The following ZNF462 variants were observed in gnomAD, a reference collection of about 807,000 sequenced individuals.
ZNF462 encodes zinc finger PBX1-interacting protein.
Under a neutral mutation model 201.9 loss-of-function variants are expected in ZNF462, and 10 were observed. The observed-to-expected ratio is 0.05, with a 90% CI of 0.03 to 0.08. The LOEUF (loss-of-function observed/expected upper bound fraction) is 0.08, where lower values mean the gene tolerates loss of function less well. Ranked by LOEUF, ZNF462 falls within the 10% of genes least tolerant of loss-of-function variation. ZNF462 has a pLI of 1.00. For synonymous variants in ZNF462, 1,227 were observed against 1,193.3 expected (o/e 1.03, Z -0.58); for missense variants, 2,523 against 3,168.3 (o/e 0.80, Z 4.89).
intron 10 of ZNF462, among the ~76,000 whole-genome samples, chr9:106,992,738 A>G (rs1326326908): frequency 6.6e-6 from 1 of 152,102 alleles, no homozygotes; most frequent in Non-Finnish European, 1.5e-5. Context: ...GCAGGGATTG[A>G]TTACAAAGGA....
chr9:106,970,906 G>A lies in ZNF462; in HGVS notation c.6428-1099G>A, dbSNP rs1826571028. Among the ~76,000 whole-genome samples the A allele has an allele frequency of 2.0e-5, 3 of 149,324 alleles. No homozygotes were observed. The highest frequency in any genetic ancestry group is 1.3e-4 in the Admixed American group (2 of 14,944). Reference sequence around the variant, plus strand: ...CCCTCCTAGATCAGATTTCTCCACCGCATGCCATTGAAGCTTCTCGGGGTT... The same window carrying A: ...CCCTCCTAGATCAGATTTCTCCACCACATGCCATTGAAGCTTCTCGGGGTT... On this transcript the variant is annotated intron_variant, in intron 7 of 12. Coordinates refer to ENST00000277225, the MANE Select transcript of ZNF462 (RefSeq NM_021224.6). This position sits in a 1 kb window ranked among gnomAD's most constrained non-coding sequence, Gnocchi z 4.2.
chr9:107,001,807 T>C (rs1184571015), intron 10 of ZNF462, among the ~76,000 whole-genome samples: 1 of 152,180 alleles, frequency 6.6e-6, no homozygotes, highest in African/African-American at 2.4e-5. Flanking sequence ...TTGGCATTGT[T>C]GTCTGCGTCT....
Position 106,881,899 on chromosome 9 carries a change from T to C in ZNF462, c.-31+18544T>C, listed in dbSNP as rs528596372. On this transcript the variant is annotated intron_variant, in intron 1 of 12. Coordinates refer to ENST00000277225, the MANE Select transcript of ZNF462 (RefSeq NM_021224.6). ...TAGATTATATATTAAATTCCTTAGATGAAGTTCTGGTTTTTTGTTTTGACT... is the reference window on the plus strand; with the variant it reads ...TAGATTATATATTAAATTCCTTAGACGAAGTTCTGGTTTTTTGTTTTGACT... Among the ~76,000 whole-genome samples the C allele has an allele frequency of 4.6e-5, 7 of 152,306 alleles. 1 individual carries two copies. The highest frequency in any genetic ancestry group is 1.7e-4 in the African/African-American group (7 of 41,576).
In ZNF462 at chr9:106,924,872, C is replaced by G. The variant is rs779628922; in HGVS notation, c.960C>G (p.Phe320Leu). Residue 320 changes from phenylalanine (F) to leucine (L), a missense_variant, in exon 3 of 13, where the codon TTC becomes TTG. Phe to Leu is a conservative substitution (Grantham distance 22). Transcript: ENST00000277225. This position sits in a 1 kb window ranked among gnomAD's most constrained non-coding sequence, Gnocchi z 6.2. ...TACCCAATACTACCGTCTCCAACTT[C>G]AGGGGCTCCATGGGCAACTCCATCA... Reference protein sequence around the residue: ...REIPNTTVSNFRGSMGNSIMR... With the variant: ...REIPNTTVSNLRGSMGNSIMR... The G allele has an allele frequency of 6.8e-6, 11 of 1,614,086 alleles. No individual in the cohort carries two copies. Among genetic ancestry groups the G allele is most frequent in the African/African-American group, 1.3e-5 (1 of 74,930 alleles).
At position 106,984,161 on chromosome 9, in the gene ZNF462, C is replaced by G. The variant is rs1018456444; in HGVS notation, c.6833-25C>G. The G allele has an allele frequency of 5.6e-6, 9 of 1,593,528 alleles. No individual in the cohort carries two copies. The highest frequency in any genetic ancestry group is 7.7e-6 in the Non-Finnish European group (9 of 1,168,484). On this transcript the variant is annotated intron_variant, in intron 9 of 12. Transcript: ENST00000277225. The surrounding 1 kb of genome is among the most constrained non-coding windows in gnomAD (Gnocchi z 6.4). ...TTTTGCCATCAGTAAAAATTCCCAT[C>G]TTTCCATTCAATTTGTTTCCACAGA...
intron 1 of ZNF462, among the ~76,000 whole-genome samples, chr9:106,894,859 T>C (rs1443645799): frequency 2.0e-5 from 3 of 152,226 alleles, no homozygotes; most frequent in Non-Finnish European, 4.4e-5. Flanking sequence ...TTTCTATTGA[T>C]AAATATAAAA....
rs1338231092 is a variant in ZNF462, at chr9:106,895,322, A to G, written c.-30-28032A>G. Among the ~76,000 whole-genome samples, 2 of 152,204 alleles carry G rather than the reference A, an allele frequency of 1.3e-5. No homozygotes were observed. Among genetic ancestry groups the G allele is most frequent in the East Asian group, 1.9e-4 (1 of 5,188 alleles). On this transcript the variant is annotated intron_variant, in intron 1 of 12. Transcript: ENST00000277225. The surrounding 1 kb of genome is among the most constrained non-coding windows in gnomAD (Gnocchi z 4.4). Reference sequence around the variant, plus strand: ...GGTTATTAGACAGAGTGCACCAAGCATTAGCTTCTGCCCGTGCTCCCTTCT... The same window carrying G: ...GGTTATTAGACAGAGTGCACCAAGCGTTAGCTTCTGCCCGTGCTCCCTTCT...
At position 106,906,715 on chromosome 9, in the gene ZNF462, A is replaced by G. The variant is rs552115017; in HGVS notation, c.-30-16639A>G. On this transcript the variant is annotated intron_variant, in intron 1 of 12. Coordinates refer to ENST00000277225, the MANE Select transcript of ZNF462 (RefSeq NM_021224.6). ...CTTTATCAGTCACCCCAGTTGTTTT[A>G]CATTTGATGATTATTTTTAAATGTT... Among the ~76,000 whole-genome samples the G allele has an allele frequency of 1.3e-4, 20 of 152,370 alleles. No individual in the cohort carries two copies. The East Asian group carries it at 3.9e-3, about 29-fold the overall frequency.
chr9:106,949,992 C>A (rs1173795014), intron 7 of ZNF462, among the ~76,000 whole-genome samples: 1 of 152,102 alleles, frequency 6.6e-6, no homozygotes. Flanking sequence ...CCCCATCCAA[C>A]CTAGACCTGA....
rs1207669036 is a variant in ZNF462, at chr9:107,003,280, T to C, written c.7057-14T>C. 6.2e-7 allele frequency: 1 copy of C among 1,613,148 alleles called. No individual in the cohort carries two copies. The highest frequency in any genetic ancestry group is 8.5e-7 in the Non-Finnish European group (1 of 1,179,576). On this transcript the variant is annotated splice_polypyrimidine_tract_variant and intron_variant, in intron 10 of 12. Transcript: ENST00000277225. This position sits in a 1 kb window ranked among gnomAD's most constrained non-coding sequence, Gnocchi z 4.4. ...GCGGTTTATTATTCCATCATTTGTT[T>C]GGGCCTTTTTCAGGTAAGCCGTAAC...
intron 7 of ZNF462, among the ~76,000 whole-genome samples, chr9:106,958,388 T>G (rs1268867918): frequency 6.6e-6 from 1 of 152,114 alleles, no homozygotes; most frequent in Non-Finnish European, 1.5e-5. Context: ...ACTGGGATCA[T>G]TCCTCACCAC....
At chr9:106,973,062 T>C (rs1418548021) in intron 8 of ZNF462, among the ~76,000 whole-genome samples, 3 of 152,150 alleles carry the variant, frequency 2.0e-5, no homozygotes, top group Admixed American at 1.3e-4. Flanking sequence ...ACCTACATCA[T>C]AGGGCTCTTG....
At position 106,972,208 on chromosome 9, in the gene ZNF462, C is replaced by T. The variant is rs748291236; in HGVS notation, c.6631C>T (p.Arg2211Trp). 5 of 1,614,080 alleles carry T rather than the reference C, an allele frequency of 3.1e-6. No homozygotes were observed. The highest frequency in any genetic ancestry group is 1.3e-5 in the African/African-American group (1 of 74,932). Residue 2211 changes from arginine (R) to tryptophan (W), a missense_variant, in exon 8 of 13, where the codon CGG becomes TGG. This residue lies in a region of ZNF462 where 228 missense variants were observed against 361.2 expected (regional missense o/e 0.63). Transcript: ENST00000277225. This position sits in a 1 kb window ranked among gnomAD's most constrained non-coding sequence, Gnocchi z 4.8. ...CATCCAGAGCATCAGGCGTCATTAC[C>T]GGGACAAGCATGGTGGGAAGAAGCT... ...GYIQSIRRHY[R>W]DKHGGKKLFK...
chr9:106,949,932 CCAG>C (rs765073529), intron 7 of ZNF462, among the ~76,000 whole-genome samples: 10 of 152,208 alleles, frequency 6.6e-5, no homozygotes, highest in Non-Finnish European at 2.9e-5. Context: ...AGCTCCGTCT[CCAG>C]CACCTCAAAT....
In ZNF462 at chr9:106,984,120, A is replaced by G. The variant is rs1036254097; in HGVS notation, c.6833-66A>G. ...TTGGGTGAGTTTCTTCTTGTATTCC[A>G]AAGAAAGAACTTCTGTTTTGCCATC... On this transcript the variant is annotated intron_variant, in intron 9 of 12. Coordinates refer to ENST00000277225, the MANE Select transcript of ZNF462 (RefSeq NM_021224.6). This position sits in a 1 kb window ranked among gnomAD's most constrained non-coding sequence, Gnocchi z 6.4. 2.7e-6 allele frequency: 4 copies of G among 1,475,412 alleles called. No homozygotes were observed. The South Asian group carries it at 5.1e-5, about 19-fold the overall frequency. The allele number at this position is 1,475,412 out of a possible 1,614,324, so 91.4% of individuals were successfully genotyped here.
At position 106,872,024 on chromosome 9, in the gene ZNF462, A is replaced by G. The variant is rs370825779; in HGVS notation, c.-31+8669A>G. Among the ~76,000 whole-genome samples, 7 of 152,192 alleles carry G rather than the reference A, an allele frequency of 4.6e-5. No homozygotes were observed. Among genetic ancestry groups the G allele is most frequent in the African/African-American group, 1.7e-4 (7 of 41,428 alleles). The stretch of plus-strand genomic sequence containing the variant: ...CAGGCTGGTCTGTCCTTCCAGTCCC[A>G]GCATTTTAAAATCCAAAATAAGGCC... On this transcript the variant is annotated intron_variant, in intron 1 of 12. Transcript: ENST00000277225. The surrounding 1 kb of genome is among the most constrained non-coding windows in gnomAD (Gnocchi z 4.5).
Position 106,863,300 on chromosome 9 carries a change from G to C in ZNF462, c.-86G>C. Reference sequence around the variant, plus strand: ...AAGAGGAGAAAGAGAAAGAGGATAAGGAGGCGGTGGGGCTGGAGAACCCGA... The same window carrying C: ...AAGAGGAGAAAGAGAAAGAGGATAACGAGGCGGTGGGGCTGGAGAACCCGA... On this transcript the variant is annotated 5_prime_UTR_variant, in exon 1 of 13. Coordinates refer to ENST00000277225, the MANE Select transcript of ZNF462 (RefSeq NM_021224.6). The C allele has an allele frequency of 2.5e-6, 1 of 398,880 alleles. No homozygotes were observed. The highest frequency in any genetic ancestry group is 2.1e-5 in the African/African-American group (1 of 48,708). The allele number at this position is 398,880 out of a possible 1,614,324, so 24.7% of individuals were successfully genotyped here. A position where few individuals can be genotyped will look rare whatever the true frequency, so the allele number is the denominator to read the frequency against.
intron 7 of ZNF462, among the ~76,000 whole-genome samples, chr9:106,965,130 G>C (rs1342754824): frequency 6.6e-6 from 1 of 152,072 alleles, no homozygotes; most frequent in Non-Finnish European, 1.5e-5. Flanking sequence ...TCTTCACAGA[G>C]GGTGTGACAT....
At chr9:106,959,174 C>T (rs1831715949) in intron 7 of ZNF462, among the ~76,000 whole-genome samples, 1 of 152,110 alleles carries the variant, frequency 6.6e-6, no homozygotes, top group Non-Finnish European at 1.5e-5. Flanking sequence ...ATCCCCTCCC[C>T]ACTCAGCCAT....
Sources: gnomAD v4.1 joint callset for allele counts (sites outside exome capture counted in the v4.1 genomes callset) on GRCh38, gnomAD v4.1.1 for gene constraint, gnomAD v4.1.1 regional missense constraint, Gnocchi (gnomAD v3.1) non-coding constraint, MANE v1.5 for transcripts, NCBI Gene and HGNC (gene_info 2026-07-23, HGNC 2026-07-21) for gene names.